Variants in COA1 observed in about 807,000 individuals in gnomAD.
The protein encoded by COA1 is cytochrome c oxidase assembly factor 1.
COA1 carries 13 observed loss-of-function variants against 16.0 expected under a neutral mutation model. The observed-to-expected ratio is 0.81, with a 90% confidence interval of 0.53 to 1.29. The LOEUF is 1.29. COA1 is among the 50% of genes most tolerant of loss of function. COA1 has a pLI of 0.00. For missense variants in COA1, 179 were observed against 177.0 expected (o/e 1.01, Z -0.06); for synonymous variants, 65 against 65.7 (o/e 0.99, Z 0.05).
At chr7:43,622,477 T>C (rs991586289) in intron 6 of COA1, 1 of 152,164 alleles carries the variant, frequency 6.6e-6, no homozygotes. Flanking sequence ...TTTTAGTCTT[T>C]GGTCTGTTTT....
At chr7:43,646,885 G>A (rs1007473498) in intron 3 of COA1, 1 of 215,436 alleles carries the variant, frequency 4.6e-6, no homozygotes, top group Non-Finnish European at 9.9e-6. Flanking sequence ...GCTGGGTGGG[G>A]ATAAAGGAGC....
chr7:43,627,129 T>A (rs1012750948), intron 6 of COA1, among the ~76,000 whole-genome samples: 3 of 152,260 alleles, frequency 2.0e-5, no homozygotes, highest in African/African-American at 7.2e-5. Flanking sequence ...GTTTTAACTA[T>A]AATTCAACAA....
At chr7:43,677,663 G>C (rs1042508088) in intron 1 of COA1, among the ~76,000 whole-genome samples, 14 of 152,020 alleles carry the variant, frequency 9.2e-5, no homozygotes, top group Non-Finnish European at 1.9e-4. Context: ...GCTGGGTGTG[G>C]TGGTGCATGC....
intron 1 of COA1, among the ~76,000 whole-genome samples, chr7:43,679,751 G>A (rs976190593): frequency 6.6e-6 from 1 of 152,148 alleles, no homozygotes; most frequent in African/African-American, 2.4e-5. Flanking sequence ...AAGGATAGTG[G>A]AGTATGCAAG....
chr7:43,658,345 C>A (rs1217397571), intron 1 of COA1, among the ~76,000 whole-genome samples: 2 of 151,018 alleles, frequency 1.3e-5, no homozygotes, highest in Non-Finnish European at 2.9e-5. Flanking sequence ...GGCGACACAG[C>A]GAGACTGTCT....
intron 6 of COA1, among the ~76,000 whole-genome samples, chr7:43,614,154 A>C (rs977388051): frequency 2.0e-5 from 3 of 152,196 alleles, no homozygotes; most frequent in Non-Finnish European, 4.4e-5. Flanking sequence ...CAATGATCTT[A>C]GCCGCCAAAT....
At chr7:43,623,424 A>G in intron 6 of COA1, 1 of 648,652 alleles carries the variant, frequency 1.5e-6, no homozygotes, top group South Asian at 1.8e-5. Flanking sequence ...GCTTTATATT[A>G]ATTCATATTA....
At chr7:43,619,242 A>G (rs911273438) in intron 6 of COA1, among the ~76,000 whole-genome samples, 1 of 152,194 alleles carries the variant, frequency 6.6e-6, no homozygotes, top group Non-Finnish European at 1.5e-5. Context: ...AACAATACCA[A>G]TTGTGCTTGA....
chr7:43,723,113 G>A (rs775536556), intron 1 of COA1, among the ~76,000 whole-genome samples: 16 of 152,232 alleles, frequency 1.1e-4, no homozygotes, highest in Non-Finnish European at 1.6e-4. Flanking sequence ...GGAGAGGTTG[G>A]TAGAAAGGGT....
intron 1 of COA1, among the ~76,000 whole-genome samples, chr7:43,660,603 C>G (rs919572277): frequency 3.3e-5 from 5 of 152,172 alleles, no homozygotes; most frequent in Non-Finnish European, 7.3e-5. Context: ...GTGACAGAGT[C>G]AGGATTTGAG....
chr7:43,692,685 C>G (rs1340638661), intron 1 of COA1, among the ~76,000 whole-genome samples: 1 of 152,094 alleles, frequency 6.6e-6, no homozygotes, highest in Non-Finnish European at 1.5e-5. Context: ...ATAAAAAGCT[C>G]AAACCAAAAT....
At chr7:43,625,026 G>T (rs699509) in intron 6 of COA1, 257,529 of 504,250 alleles carry the variant, frequency 0.51, 69,283 homozygotes, top group African/African-American at 0.8. Context: ...CCAACCAGGA[G>T]ATTTAACAGG....
At chr7:43,701,891 G>A (rs945318722) in intron 1 of COA1, among the ~76,000 whole-genome samples, 2 of 152,114 alleles carry the variant, frequency 1.3e-5, no homozygotes, top group South Asian at 4.1e-4. Flanking sequence ...CTTTTAAAGT[G>A]TCTGTTCATG....
At chr7:43,675,288 G>A (rs2093461276) in intron 1 of COA1, among the ~76,000 whole-genome samples, 1 of 152,154 alleles carries the variant, frequency 6.6e-6, no homozygotes, top group South Asian at 2.1e-4. Flanking sequence ...GTAGGGACAT[G>A]GATGAAACTG....
Position 43,648,648 on chromosome 7 carries a change from T to C in COA1, c.-34A>G, listed in dbSNP as rs754833809. 32 of 1,611,102 alleles carry C rather than the reference T, an allele frequency of 2.0e-5. No homozygotes were observed. Among genetic ancestry groups the C allele is most frequent in the Non-Finnish European group, 2.5e-5 (30 of 1,178,078 alleles). Reference sequence around the variant, plus strand: ...TCTCTTGAAAATCATCAAAGGCAAGTTGTCCTGCAATTAGAAAAGATTTTA... The same window carrying C: ...TCTCTTGAAAATCATCAAAGGCAAGCTGTCCTGCAATTAGAAAAGATTTTA... On this transcript the variant is annotated 5_prime_UTR_variant, in exon 2 of 6. Coordinates refer to ENST00000223336, the MANE Select transcript of COA1 (RefSeq NM_018224.4).
intron 1 of COA1, among the ~76,000 whole-genome samples, chr7:43,691,370 AGGG>A (rs1449162059): frequency 0.044 from 2,104 of 47,562 alleles, 139 homozygotes; most frequent in Non-Finnish European, 0.05. Context: ...GGAGGGAGGG[AGGG>A]AGGGAGGAAG....
intron 4 of COA1, 105 bp downstream of exon 4, chr7:43,645,146 G>T: frequency 1.9e-6 from 2 of 1,066,934 alleles, no homozygotes; most frequent in Non-Finnish European, 2.6e-6. Flanking sequence ...TTACTTAGTG[G>T]ATTTTCCCAT....
chr7:43,690,430 T>TAC (rs199539611), intron 1 of COA1, among the ~76,000 whole-genome samples: 38 of 151,204 alleles, frequency 2.5e-4, no homozygotes, highest in African/African-American at 7.5e-4. Context: ...CACATATATA[T>TAC]ACACACACAC....
downstream of COA1, among the ~76,000 whole-genome samples, chr7:43,635,191 T>G (rs1408552847): frequency 2.6e-5 from 4 of 152,206 alleles, no homozygotes; most frequent in African/African-American, 4.8e-5. Flanking sequence ...CAAGGACATG[T>G]TCTGCAATCA....
Sources: allele counts gnomAD v4.1 joint callset (sites outside exome capture counted in the v4.1 genomes callset), GRCh38; gene constraint gnomAD v4.1.1; transcripts MANE v1.5; gene names NCBI Gene and HGNC (gene_info 2026-07-23, HGNC 2026-07-21).